ZNF454: variants seen among roughly 807,000 people sequenced by gnomAD.
ZNF454 encodes the protein zinc finger protein 454.
Under a neutral mutation model 48.2 loss-of-function variants are expected in ZNF454, and 30 were observed. The ratio of observed to expected loss-of-function variants is 0.62; its 90% CI spans 0.47 to 0.84. The LOEUF is 0.84. Among genes scored for constraint, ZNF454 ranks in the 40% least tolerant of loss-of-function variants. ZNF454 has a pLI of 0.00. For synonymous variants in ZNF454, 204 were observed against 211.4 expected (o/e 0.97, Z 0.30); for missense variants, 510 against 623.1 (o/e 0.82, Z 1.93).
downstream of ZNF454, chr5:178,968,928 C>T (rs1215327576): frequency 4.4e-6 from 2 of 454,474 alleles, no homozygotes; most frequent in South Asian, 3.1e-5. Flanking sequence ...GGCTGAAGGC[C>T]CCCATCTGAG....
At chr5:178,970,490 G>A (rs1464119354), downstream of ZNF454, among the ~76,000 whole-genome samples, 1 of 152,104 alleles carries the variant, frequency 6.6e-6, no homozygotes, top group South Asian at 2.1e-4. Flanking sequence ...GCACTGGGTG[G>A]TACTCACACT....
chr5:178,970,411 C>T (rs961822719), downstream of ZNF454, among the ~76,000 whole-genome samples: 8 of 152,156 alleles, frequency 5.3e-5, no homozygotes, highest in Admixed American at 3.3e-4. Flanking sequence ...GGGAAAAGAA[C>T]GCAAGGCTTG....
the ZNF454 span, chr5:178,981,413 G>GGTC: frequency 3.7e-6 from 2 of 543,816 alleles, no homozygotes; most frequent in Non-Finnish European, 6.6e-6. The surrounding 1 kb of genome is among the most constrained non-coding windows in gnomAD (Gnocchi z 5.1). Flanking sequence ...CCTTCTCGGT[G>GGTC]GCTGTTTCCC....
chr5:178,985,514 T>G, the ZNF454 span: 108 of 339,788 alleles, frequency 3.2e-4, no homozygotes, highest in South Asian at 1.9e-3. Context: ...CCATCCTGGC[T>G]AACACGGTGA....
chr5:178,989,215 TCACCACCC>T, the ZNF454 span: 4 of 886,710 alleles, frequency 4.5e-6, no homozygotes, highest in Non-Finnish European at 6.4e-6. Context: ...CTCCCCACCC[TCACCACCC>T]TCCCCACCCT....
At position 178,964,967 on chromosome 5, in the gene ZNF454, C is replaced by G; in HGVS notation, c.563C>G (p.Ser188Cys). 1 of 1,614,180 alleles carries G rather than the reference C, an allele frequency of 6.2e-7. No individual in the cohort carries two copies. Among genetic ancestry groups the G allele is most frequent in the Non-Finnish European group, 8.5e-7 (1 of 1,180,028 alleles). ...TGTAGTGAGTGTGGAAAAGTCTTCT[C>G]TAAGAGTTCAACTCTTAATAAACAT... ...FECSECGKVF[S>C]KSSTLNKHQK... Residue 188 changes from serine (S) to cysteine (C), a missense_variant, in exon 5 of 5, where the codon TCT becomes TGT. Ser to Cys is a moderately radical substitution (Grantham distance 112, BLOSUM62 -1). Around this residue, in one of 3 missense-constraint regions of ZNF454, gnomAD observed 354 missense variants for 408.9 expected, o/e 0.87. Coordinates refer to ENST00000519564, the MANE Select transcript of ZNF454 (RefSeq NM_001178089.3).
chr5:178,981,571 C>A, the ZNF454 span: 1 of 1,056,440 alleles, frequency 9.5e-7, no homozygotes, highest in Non-Finnish European at 1.4e-6. This position sits in a 1 kb window ranked among gnomAD's most constrained non-coding sequence, Gnocchi z 5.1. Context: ...GACTGTTCAC[C>A]GTGGACCCGG....
chr5:178,984,436 G>A, the ZNF454 span, among the ~76,000 whole-genome samples: 1 of 152,214 alleles, frequency 6.6e-6, no homozygotes, highest in Non-Finnish European at 1.5e-5. Flanking sequence ...ATGCCATTTT[G>A]CAGCCCGTCA....
At chr5:178,978,783 C>T in the ZNF454 span, 7 of 152,254 alleles carry the variant, frequency 4.6e-5, no homozygotes, top group South Asian at 2.1e-4. Context: ...AGCTCTCACT[C>T]GACATAAGAG....
intron 2 of ZNF454, among the ~76,000 whole-genome samples, chr5:178,943,316 G>C (rs558821339): frequency 1.3e-5 from 2 of 152,082 alleles, no homozygotes; most frequent in Non-Finnish European, 2.9e-5. Context: ...TGTATCACAC[G>C]GTGAGAAAGG....
chr5:178,964,675 A>G lies in ZNF454; in HGVS notation c.271A>G (p.Ser91Gly). The G allele has an allele frequency of 3.1e-6, 5 of 1,613,242 alleles. No individual in the cohort carries two copies. The highest frequency in any genetic ancestry group is 4.2e-6 in the Non-Finnish European group (5 of 1,179,172). ...FCLDWMTMPASKKSTVKAEIP... is the reference protein window; with the variant it reads ...FCLDWMTMPAGKKSTVKAEIP... ...TTCAGACTGGATGACTATGCCTGCC[A>G]GTAAGAAATCTACTGTCAAGGCAGA... is the stretch of plus-strand genomic sequence containing the variant. Residue 91 changes from serine (S) to glycine (G), a missense_variant, in exon 5 of 5, where the codon AGT becomes GGT. Ser to Gly is a moderately conservative substitution (Grantham distance 56). Transcript: ENST00000519564.
Position 178,942,772 on chromosome 5 carries a change from G to T in ZNF454, c.-20G>T. On this transcript the variant is annotated 5_prime_UTR_variant, in exon 2 of 5. Coordinates refer to ENST00000519564, the MANE Select transcript of ZNF454 (RefSeq NM_001178089.3). Reference sequence around the variant, plus strand: ...ATAGCACTTTGCCTGTCCCTAAGAGGGCTCATCGGAGAAGAAAGAATGGCT... The same window carrying T: ...ATAGCACTTTGCCTGTCCCTAAGAGTGCTCATCGGAGAAGAAAGAATGGCT... 1 of 1,613,966 alleles carries T rather than the reference G, an allele frequency of 6.2e-7. No individual in the cohort carries two copies. Among genetic ancestry groups the T allele is most frequent in the Non-Finnish European group, 8.5e-7 (1 of 1,179,972 alleles).
the ZNF454 span, chr5:178,988,889 C>A: frequency 6.6e-7 from 1 of 1,519,206 alleles, no homozygotes; most frequent in South Asian, 1.1e-5. This position sits in a 1 kb window ranked among gnomAD's most constrained non-coding sequence, Gnocchi z 6.0. Context: ...AAAATCCAGC[C>A]CCCCAGCTGT....
chr5:178,955,545 A>G (rs966872681), intron 4 of ZNF454, among the ~76,000 whole-genome samples: 5 of 152,242 alleles, frequency 3.3e-5, no homozygotes, highest in Admixed American at 6.5e-5. Flanking sequence ...GTCTCAACTT[A>G]CTATCCTTTT....
downstream of ZNF454, among the ~76,000 whole-genome samples, chr5:178,969,169 G>A (rs1467279175): frequency 1.3e-5 from 2 of 152,160 alleles, no homozygotes; most frequent in South Asian, 2.1e-4. Context: ...CGGCCTTCTC[G>A]ACTAGGGGAG....
chr5:178,983,972 G>A, the ZNF454 span, among the ~76,000 whole-genome samples: 1 of 152,216 alleles, frequency 6.6e-6, no homozygotes, highest in Admixed American at 6.5e-5. Context: ...GCCATGCCGA[G>A]CACCTGGAGC....
At chr5:178,969,595 G>T, downstream of ZNF454, 2 of 456,814 alleles carry the variant, frequency 4.4e-6, no homozygotes, top group Non-Finnish European at 8.8e-6. Context: ...TCCAGCCTGC[G>T]CCTGCTTCAT....
chr5:178,989,339 A>G, the ZNF454 span: 4 of 1,613,846 alleles, frequency 2.5e-6, no homozygotes, highest in African/African-American at 4.0e-5. Context: ...CTCTTCCCAG[A>G]ACTCGGCGAA....
the ZNF454 span, chr5:178,985,731 C>A: frequency 5.6e-5 from 24 of 428,970 alleles, no homozygotes; most frequent in East Asian, 1.7e-3. Flanking sequence ...AACACAGGAA[C>A]CAAAATAGAA....
Sources: allele counts gnomAD v4.1 joint callset (sites outside exome capture counted in the v4.1 genomes callset), GRCh38; gene constraint gnomAD v4.1.1; regional missense constraint gnomAD v4.1.1; non-coding constraint Gnocchi (gnomAD v3.1); transcripts MANE v1.5; gene names NCBI Gene and HGNC (gene_info 2026-07-23, HGNC 2026-07-21).